CAT: variants seen among roughly 807,000 people sequenced by gnomAD.
CAT encodes the protein catalase, also known as epididymis secretory sperm binding protein.
In CAT, 43 loss-of-function variants were observed where a neutral mutation model predicts 59.0. The ratio of observed to expected loss-of-function variants is 0.73; its 90% CI spans 0.57 to 0.94. The LOEUF is 0.94. CAT is among the 40% of genes least tolerant of loss of function. The probability of loss-of-function intolerance (pLI) is 0.00; values close to 1 mark genes in which losing one functional copy is unlikely to be tolerated. For synonymous variants in CAT, 218 were observed against 230.9 expected, an observed-to-expected ratio of 0.94 and a Z score of 0.51; for missense variants, 664 against 682.9, an observed-to-expected ratio of 0.97 and a Z score of 0.31.
In CAT at chr11:34,466,768, G is replaced by A. The variant is rs1186966808; in HGVS notation, c.1327-1520G>A. ...TGCACTCCAGCCTGGGCGACAGAGC[G>A]AGACTCCGTCTCAAAAAAAAAAAAA... On this transcript the variant is annotated intron_variant, in intron 10 of 12. Transcript: ENST00000241052. Among the ~76,000 whole-genome samples, 13 of 108,654 alleles carry A rather than the reference G, an allele frequency of 1.2e-4. No homozygotes were observed. The East Asian group carries it at 1.2e-3, about 10-fold the overall frequency. The allele number at this position is 108,654 out of a possible 152,430, so 71.3% of individuals were successfully genotyped here.
intron 6 of CAT, among the ~76,000 whole-genome samples, chr11:34,454,506 ACT>A (rs1856566481): frequency 6.6e-6 from 1 of 152,170 alleles, no homozygotes; most frequent in Non-Finnish European, 1.5e-5. Flanking sequence ...GTTTCCAAAT[ACT>A]GCTGCTAAGA....
At chr11:34,468,168 AATT>A in intron 10 of CAT, 117 bp from the exon 11 acceptor site, 2 of 792,180 alleles carry the variant, frequency 2.5e-6, no homozygotes, top group Non-Finnish European at 2.2e-6. Context: ...TAAAATTTAA[AATT>A]ATTCTTAACT....
intron 9 of CAT, among the ~76,000 whole-genome samples, chr11:34,463,426 T>TGACAAAGTC (rs933597202): frequency 1.3e-5 from 2 of 151,978 alleles, no homozygotes. Flanking sequence ...AAGTCATCAT[T>TGACAAAGTC]GTCAGTAAAG....
rs1856767893 is a variant in CAT at position 34,471,046 on chromosome 11, GCTGGGAGCAGC to G, written c.1518+10_1518+20del. 3.1e-6 allele frequency: 5 copies of G among 1,613,456 alleles called. No homozygotes were observed. Among genetic ancestry groups the G allele is most frequent in the Non-Finnish European group, 3.4e-6 (4 of 1,179,340 alleles). ...TACAATGCTGAGAAGCCTAAGGTAA[GCTGGGAGCAGC>G]CTGGCCATGCAGAGGCTGTGTGTGC... On this transcript the variant is annotated splice_donor_region_variant and intron_variant, in intron 12 of 12. Transcript: ENST00000241052.
At chr11:34,453,976 C>T (rs1018133229) in intron 6 of CAT, 50 bp downstream of exon 6, 1 of 1,584,350 alleles carries the variant, frequency 6.3e-7, no homozygotes, top group Non-Finnish European at 8.7e-7. Context: ...CCGCATACCT[C>T]CTTATTTTTC....
intron 1 of CAT, among the ~76,000 whole-genome samples, chr11:34,442,226 T>C (rs1390648047): frequency 6.6e-6 from 1 of 152,252 alleles, no homozygotes; most frequent in African/African-American, 2.4e-5. Flanking sequence ...TCATAGCCCA[T>C]ATTTTAAGTT....
chr11:34,438,982 C>A lies in CAT; in HGVS notation c.-32C>A, dbSNP rs754943583. On this transcript the variant is annotated 5_prime_UTR_variant, in exon 1 of 13. Transcript: ENST00000241052. ...GGTGGAGACCCACGAGCCGAGGCCT[C>A]CTGCAGTGTTCTGCACAGCAAACCG... 6.4e-7 allele frequency: 1 copy of A among 1,562,034 alleles called. No homozygotes were observed. The highest frequency in any genetic ancestry group is 8.7e-7 in the Non-Finnish European group (1 of 1,151,368).
chr11:34,470,755 G>A, intron 11 of CAT: 3 of 639,288 alleles, frequency 4.7e-6, no homozygotes, highest in Non-Finnish European at 8.6e-6. Flanking sequence ...ACCTATCCGA[G>A]GTTGCTCAGC....
chr11:34,441,451 A>G (rs541921975), intron 1 of CAT, among the ~76,000 whole-genome samples: 31 of 152,256 alleles, frequency 2.0e-4, no homozygotes, highest in Admixed American at 2.0e-3. Flanking sequence ...CACCATTTGG[A>G]TATCCTGTTG....
intron 6 of CAT, among the ~76,000 whole-genome samples, chr11:34,454,729 T>C (rs543837149): frequency 6.6e-6 from 1 of 152,360 alleles, no homozygotes; most frequent in East Asian, 1.9e-4. Flanking sequence ...GTTGACCCAT[T>C]GGCTTGTAAT....
chr11:34,461,949 C>T (rs890772701), intron 9 of CAT, among the ~76,000 whole-genome samples: 54 of 152,286 alleles, frequency 3.5e-4, no homozygotes, highest in African/African-American at 1.3e-3. Context: ...CCCCTCCCTT[C>T]ATTTTTTCCT....
rs1856494196 is a variant in CAT, at chr11:34,449,284, G to A, written c.159G>A (p.Gln53=). Residue 53 remains glutamine, a synonymous_variant, in exon 2 of 13, where the codon CAG becomes CAA. Coordinates refer to ENST00000241052, the MANE Select transcript of CAT (RefSeq NM_001752.4). ...TVGPRGPLLV[Q]DVVFTDEMAH... ...GGCCCCGTGGGCCCCTTCTTGTTCA[G>A]GATGTGGTTTTCACTGATGAAATGG... 6.2e-7 allele frequency: 1 copy of A among 1,614,138 alleles called. No individual in the cohort carries two copies. Among genetic ancestry groups the A allele is most frequent in the African/African-American group, 1.3e-5 (1 of 75,064 alleles).
chr11:34,462,679 A>G (rs1469518069), intron 9 of CAT, among the ~76,000 whole-genome samples: 1 of 152,122 alleles, frequency 6.6e-6, no homozygotes, highest in Non-Finnish European at 1.5e-5. Flanking sequence ...TGGCCCCCCA[A>G]AGTGCTGAGA....
intron 7 of CAT, 55 bp downstream of exon 7, chr11:34,456,257 T>A: frequency 7.3e-7 from 1 of 1,363,224 alleles, no homozygotes; most frequent in Admixed American, 1.9e-5. Flanking sequence ...CTTACCTAAT[T>A]AGAAAAAAAA....
chr11:34,449,613 A>G (rs970206592), intron 2 of CAT, among the ~76,000 whole-genome samples: 2 of 152,246 alleles, frequency 1.3e-5, no homozygotes, highest in Non-Finnish European at 2.9e-5. Flanking sequence ...AGGAATAAAA[A>G]TACAATAAGT....
At chr11:34,441,810 T>C (rs1308563541) in intron 1 of CAT, among the ~76,000 whole-genome samples, 1 of 147,262 alleles carries the variant, frequency 6.8e-6, no homozygotes, top group Non-Finnish European at 1.5e-5. Flanking sequence ...TAAAAATAAA[T>C]AAAGCTGCTA....
rs1856773442 is a variant in CAT, at chr11:34,471,553, GA to G, written c.*122del. On this transcript the variant is annotated 3_prime_UTR_variant, in exon 13 of 13. Coordinates refer to ENST00000241052, the MANE Select transcript of CAT (RefSeq NM_001752.4). ...TGCAAGCTAGTGGCTTCAAAATAGA[GA>G]ATCCCACTTTCTATAGCAGATTGTG... 2.5e-6 allele frequency: 2 copies of G among 808,742 alleles called. No homozygotes were observed. Among genetic ancestry groups the G allele is most frequent in the Admixed American group, 3.6e-5 (2 of 55,086 alleles). The allele number at this position is 808,742 out of a possible 1,614,324, so 50.1% of individuals were successfully genotyped here. A position where few individuals can be genotyped will look rare whatever the true frequency, so the allele number is the denominator to read the frequency against.
intron 1 of CAT, among the ~76,000 whole-genome samples, chr11:34,445,056 T>C (rs1856433206): frequency 6.6e-6 from 1 of 152,168 alleles, no homozygotes; most frequent in Non-Finnish European, 1.5e-5. Context: ...GAAAGGCTCT[T>C]GGCCATATCA....
At chr11:34,460,874 A>G in intron 8 of CAT, 1 of 292,914 alleles carries the variant, frequency 3.4e-6, no homozygotes, top group South Asian at 3.5e-5. Context: ...GAATAGAATT[A>G]ATTCAATATT....
Sources: gnomAD v4.1 joint callset for allele counts (sites outside exome capture counted in the v4.1 genomes callset) on GRCh38, gnomAD v4.1.1 for gene constraint, MANE v1.5 for transcripts, NCBI Gene and HGNC (gene_info 2026-07-23, HGNC 2026-07-21) for gene names.